SLC39A1: variants seen among roughly 807,000 people sequenced by gnomAD.
The protein encoded by SLC39A1 is zinc transporter ZIP1.
Under a neutral mutation model 21.4 loss-of-function variants are expected in SLC39A1, and 17 were observed. The observed-to-expected ratio is 0.79, with a 90% confidence interval of 0.54 to 1.19. SLC39A1 has a LOEUF of 1.19. SLC39A1 is among the 50% of genes most tolerant of loss of function. The probability of loss-of-function intolerance (pLI) is 0.00; values close to 1 mark genes in which losing one functional copy is unlikely to be tolerated. For synonymous variants in SLC39A1, 183 were observed against 185.9 expected, an observed-to-expected ratio of 0.98 and a Z score of 0.13; for missense variants, 343 against 399.8, an observed-to-expected ratio of 0.86 and a Z score of 1.21.
rs1313357557 is a variant in SLC39A1, at chr1:153,960,402, C to T, written c.671G>A (p.Ser224Asn). Residue 224 changes from serine (S) to asparagine (N), a missense_variant, in exon 4 of 4, where the codon AGC becomes AAC. Coordinates refer to ENST00000356205, the MANE Select transcript of SLC39A1 (RefSeq NM_001271958.2). ...GCTCTGCAACAGCCGCAGGGACAGGCTGACAGCCAGGATGCCCTTGTGGAG... is the reference window on the plus strand; with the variant it reads ...GCTCTGCAACAGCCGCAGGGACAGGTTGACAGCCAGGATGCCCTTGTGGAG... Reference protein sequence around the residue: ...LLLHKGILAVSLSLRLLQSHL... With the variant: ...LLLHKGILAVNLSLRLLQSHL... 2 of 1,614,066 alleles carry T rather than the reference C, an allele frequency of 1.2e-6. No homozygotes were observed. The highest frequency in any genetic ancestry group is 3.3e-5 in the Admixed American group (2 of 60,034).
At chr1:153,966,640 C>T (rs984145548), upstream of SLC39A1, 2 of 152,144 alleles carry the variant, frequency 1.3e-5, no homozygotes, top group African/African-American at 4.8e-5. Flanking sequence ...AACAAACAAA[C>T]TTGTCAGCTC....
Position 153,959,497 on chromosome 1 carries a change from GAA to G in SLC39A1, c.*599_*600del. ...TCAGTGCCACATTACTGTGCTTTGAGAAAGAGGAAGGGGATTTGTTTGGCACT... is the reference window on the plus strand; with the variant it reads ...TCAGTGCCACATTACTGTGCTTTGAGAGAGGAAGGGGATTTGTTTGGCACT... On this transcript the variant is annotated 3_prime_UTR_variant, in exon 4 of 4. Coordinates refer to ENST00000356205, the MANE Select transcript of SLC39A1 (RefSeq NM_001271958.2). 1 of 390,998 alleles carries G rather than the reference GAA, an allele frequency of 2.6e-6. No individual in the cohort carries two copies. Among genetic ancestry groups the G allele is most frequent in the East Asian group, 3.6e-5 (1 of 27,604 alleles). The allele number at this position is 390,998 out of a possible 1,614,324, so 24.2% of individuals were successfully genotyped here. A position where few individuals can be genotyped will look rare whatever the true frequency, so the allele number is the denominator to read the frequency against.
At chr1:153,962,486 A>C (rs1442538443) in intron 2 of SLC39A1, 43 bp downstream of exon 2, 1 of 1,591,220 alleles carries the variant, frequency 6.3e-7, no homozygotes, top group Admixed American at 1.7e-5. Context: ...AGCCCTCCCT[A>C]AGCCAAGCAT....
rs200089958 is a variant in SLC39A1 at position 153,960,242 on chromosome 1, G to A, written c.831C>T (p.Gly277=). Residue 277 remains glycine (G), a synonymous_variant, in exon 4 of 4, where the codon GGC becomes GGT. Transcript: ENST00000356205. ...TATAGAGAAAGGTGCCAGCTGCCAT[G>A]CCCTCTAGCACAGACTGGGCCAGCT... The part of the protein sequence containing the change: ...LHQLAQSVLE[G]MAAGTFLYIT... 389 of 1,614,050 alleles carry A rather than the reference G, an allele frequency of 2.4e-4. 1 individual carries two copies. Among genetic ancestry groups the A allele is most frequent in the Non-Finnish European group, 3.6e-5 (42 of 1,180,050 alleles).
At chr1:153,964,177 G>C (rs1647661259), upstream of SLC39A1, among the ~76,000 whole-genome samples, 4 of 152,274 alleles carry the variant, frequency 2.6e-5, no homozygotes, top group South Asian at 8.3e-4. Context: ...GGAATGCGGG[G>C]TGCTGAAGCC....
At chr1:153,961,768 A>G (rs541950270) in intron 3 of SLC39A1, among the ~76,000 whole-genome samples, 40 of 152,318 alleles carry the variant, frequency 2.6e-4, no homozygotes, top group African/African-American at 8.7e-4. Flanking sequence ...ACCAAGTCCT[A>G]TGCCGTGGAC....
chr1:153,966,923 C>T (rs1215586113), upstream of SLC39A1: 1 of 152,074 alleles, frequency 6.6e-6, no homozygotes, highest in Non-Finnish European at 1.5e-5. Context: ...TAAAAATAAT[C>T]AATCAACCCT....
At chr1:153,965,890 T>C (rs575605849), upstream of SLC39A1, among the ~76,000 whole-genome samples, 1 of 152,132 alleles carries the variant, frequency 6.6e-6, no homozygotes, top group Non-Finnish European at 1.5e-5. Flanking sequence ...CCCGGCCCAA[T>C]AGATCTCCTC....
At chr1:153,961,902 G>A (rs959663150) in intron 3 of SLC39A1, among the ~76,000 whole-genome samples, 2 of 152,052 alleles carry the variant, frequency 1.3e-5, no homozygotes, top group African/African-American at 4.8e-5. Flanking sequence ...AGCCCTTTAG[G>A]AAAGTGGTGA....
At chr1:153,964,292 C>A (rs1272962454), upstream of SLC39A1, 19 of 152,338 alleles carry the variant, frequency 1.2e-4, no homozygotes, top group Admixed American at 1.2e-3. Context: ...TCCCGCCACC[C>A]TCGCCGGTCG....
At chr1:153,964,715 G>C (rs747323522), upstream of SLC39A1, 1 of 152,212 alleles carries the variant, frequency 6.6e-6, no homozygotes, top group African/African-American at 2.4e-5. Flanking sequence ...GGCCGAGGAT[G>C]AATCACCTGA....
At chr1:153,961,846 G>A (rs1411441436) in intron 3 of SLC39A1, among the ~76,000 whole-genome samples, 2 of 152,042 alleles carry the variant, frequency 1.3e-5, no homozygotes, top group Non-Finnish European at 2.9e-5. Context: ...CAAGACCCAG[G>A]GAATCGCTTC....
upstream of SLC39A1, chr1:153,964,446 G>T (rs1368081694): frequency 6.6e-6 from 1 of 151,908 alleles, no homozygotes; most frequent in Non-Finnish European, 1.5e-5. Flanking sequence ...TAAGACAAAA[G>T]AAAATTTAAA....
chr1:153,965,501 A>T (rs1426390381), upstream of SLC39A1, among the ~76,000 whole-genome samples: 2 of 152,360 alleles, frequency 1.3e-5, no homozygotes, highest in East Asian at 1.9e-4. Flanking sequence ...CATATGCATT[A>T]CTTCACATAT....
Position 153,960,707 on chromosome 1 carries a change from C to T in SLC39A1, c.366G>A (p.Leu122=). The change falls in exon 4 of 4, where the codon CTG becomes CTA. Residue 122 remains leucine, a synonymous_variant. Coordinates refer to ENST00000356205, the MANE Select transcript of SLC39A1 (RefSeq NM_001271958.2). ...GTGTGATCTGCTCCATCACCAGGAC[C>T]AGGAAGAAGCCCATGGCCAGGATGA... ...QEFILAMGFF[L]VLVMEQITLA... is the part of the protein sequence containing the mutation. The T allele has an allele frequency of 2.5e-6, 4 of 1,613,568 alleles. No individual in the cohort carries two copies. The highest frequency in any genetic ancestry group is 3.4e-6 in the Non-Finnish European group (4 of 1,180,028).
chr1:153,961,093 T>A (rs372950856), intron 3 of SLC39A1, among the ~76,000 whole-genome samples: 1 of 152,124 alleles, frequency 6.6e-6, no homozygotes, highest in Non-Finnish European at 1.5e-5. Flanking sequence ...CTGGCCAACA[T>A]GGTGAAACCC....
At chr1:153,967,204 T>A (rs946886482), upstream of SLC39A1, among the ~76,000 whole-genome samples, 1 of 152,230 alleles carries the variant, frequency 6.6e-6, no homozygotes, top group Non-Finnish European at 1.5e-5. Flanking sequence ...GCAGCGAGCG[T>A]GTGCGCACAG....
intron 1 of SLC39A1, 104 bp from the exon 2 acceptor site, chr1:153,962,851 C>T (rs1647564839): frequency 6.1e-6 from 5 of 824,784 alleles, no homozygotes; most frequent in South Asian, 2.1e-5. Context: ...GCCCCAGCCA[C>T]TTTGTGACCT....
At chr1:153,964,309 T>A (rs1647668846), upstream of SLC39A1, 1 of 152,354 alleles carries the variant, frequency 6.6e-6, no homozygotes, top group Non-Finnish European at 1.5e-5. Context: ...GTCGGTTTGC[T>A]GTTTGCTGTT....
Sources: allele counts gnomAD v4.1 joint callset (sites outside exome capture counted in the v4.1 genomes callset), GRCh38; gene constraint gnomAD v4.1.1; transcripts MANE v1.5; gene names NCBI Gene and HGNC (gene_info 2026-07-23, HGNC 2026-07-21).